NECTIN4: variants seen among roughly 807,000 people sequenced by gnomAD.
NECTIN4 encodes nectin cell adhesion molecule 4.
Under a neutral mutation model 51.7 loss-of-function variants are expected in NECTIN4, and 19 were observed. The observed-to-expected ratio is 0.37, with a 90% CI of 0.26 to 0.54. The LOEUF is 0.54. Ranked by LOEUF, NECTIN4 falls within the 20% of genes least tolerant of loss-of-function variation. The probability of loss-of-function intolerance (pLI) is 0.86; values close to 1 mark genes in which losing one functional copy is unlikely to be tolerated. For missense variants in NECTIN4, 619 were observed against 662.4 expected, an observed-to-expected ratio of 0.93 and a Z score of 0.72; for synonymous variants, 283 against 286.9, an observed-to-expected ratio of 0.99 and a Z score of 0.14.
intron 1 of NECTIN4, among the ~76,000 whole-genome samples, chr1:161,085,306 T>C (rs941938171): frequency 1.5e-4 from 23 of 152,114 alleles, no homozygotes; most frequent in Non-Finnish European, 2.1e-4. Flanking sequence ...AGCCCCACTC[T>C]GGCCCAGACA....
rs149456490 is a variant in NECTIN4 at position 161,074,338 on chromosome 1, C to T, written c.1036G>A (p.Val346Met). ...CCCACCACCACCACCGAGGCTGACA[C>T]TAGGTCCACCTGCTTCCCAGAGTCT... ...QEDSGKQVDL[V>M]SASVVVVGVI... The change falls in exon 6 of 9, where the codon GTG becomes ATG. Residue 346 changes from valine to methionine, a missense_variant. Coordinates refer to ENST00000368012, the MANE Select transcript of NECTIN4 (RefSeq NM_030916.3). 5.5e-4 allele frequency: 891 copies of T among 1,613,966 alleles called. No homozygotes were observed. The highest frequency in any genetic ancestry group is 7.1e-4 in the Non-Finnish European group (836 of 1,180,010).
At chr1:161,086,928 C>G (rs895051935) in intron 1 of NECTIN4, 6 of 153,490 alleles carry the variant, frequency 3.9e-5, no homozygotes, top group African/African-American at 1.4e-4. Context: ...CTTCCAACAC[C>G]CCAGCACCCC....
intron 4 of NECTIN4, among the ~76,000 whole-genome samples, chr1:161,075,367 G>A (rs1653368821): frequency 6.6e-6 from 1 of 152,246 alleles, no homozygotes; most frequent in African/African-American, 2.4e-5. Context: ...TTATAGGAGT[G>A]TTGGCTTAAC....
chr1:161,088,919 T>C (rs1030923528), intron 1 of NECTIN4, among the ~76,000 whole-genome samples: 6 of 151,528 alleles, frequency 4.0e-5, no homozygotes, highest in Middle Eastern at 3.4e-3. Context: ...CTACACTGGG[T>C]CACCACGTCT....
chr1:161,079,798 C>T lies in NECTIN4; in HGVS notation c.231G>A (p.Gln77=). ...WARVDAGEGA[Q]ELALLHSKYG... is the part of the protein sequence containing the mutation. ...ATTTGGAGTGCAGTAGCGCTAGTTC[C>T]TGGGCGCCTTCGCCCGCGTCCACCC... Residue 77 remains glutamine, a synonymous_variant, in exon 2 of 9, where the codon CAG becomes CAA. Transcript: ENST00000368012. 1 of 1,613,462 alleles carries T rather than the reference C, an allele frequency of 6.2e-7. No individual in the cohort carries two copies. The highest frequency in any genetic ancestry group is 8.5e-7 in the Non-Finnish European group (1 of 1,179,990).
chr1:161,074,606 C>T lies in NECTIN4; in HGVS notation c.1000+5G>A, dbSNP rs1180386851. The T allele has an allele frequency of 6.2e-7, 1 of 1,614,246 alleles. No individual in the cohort carries two copies. Among genetic ancestry groups the T allele is most frequent in the East Asian group, 2.2e-5 (1 of 44,892 alleles). ...CTTACCAAGGACTTCTGCTCCAGTG[C>T]TTACCAAGAACATCCACAGTGACCT... On this transcript the variant is annotated splice_donor_5th_base_variant and intron_variant, in intron 5 of 8. Transcript: ENST00000368012.
chr1:161,072,169 T>C lies in NECTIN4; in HGVS notation c.*492A>G, dbSNP rs1013379901. ...CCGCACACCTGGGTCTGAGCCACAG[T>C]CTCCACCTCTCTCCTCCAACCTCTG... On this transcript the variant is annotated 3_prime_UTR_variant, in exon 9 of 9. Transcript: ENST00000368012. The C allele has an allele frequency of 3.4e-5, 8 of 234,116 alleles. No homozygotes were observed. Among genetic ancestry groups the C allele is most frequent in the African/African-American group, 1.6e-4 (7 of 44,496 alleles). The allele number at this position is 234,116 out of a possible 1,614,324, so 14.5% of individuals were successfully genotyped here. A position where few individuals can be genotyped will look rare whatever the true frequency, so the allele number is the denominator to read the frequency against.
intron 2 of NECTIN4, among the ~76,000 whole-genome samples, chr1:161,079,149 A>G (rs1253020376): frequency 6.6e-6 from 1 of 152,206 alleles, no homozygotes; most frequent in Non-Finnish European, 1.5e-5. Context: ...CATTGTAAAA[A>G]ATACCATGGA....
rs767680806 is a variant in NECTIN4, at chr1:161,089,171, A to G, written c.79+47T>C. The G allele has an allele frequency of 1.3e-5, 20 of 1,555,486 alleles. No individual in the cohort carries two copies. The highest frequency in any genetic ancestry group is 1.7e-5 in the Non-Finnish European group (19 of 1,127,978). On this transcript the variant is annotated intron_variant, in intron 1 of 8. Transcript: ENST00000368012. This position sits in a 1 kb window ranked among gnomAD's most constrained non-coding sequence, Gnocchi z 4.1. ...GTGTTTGTGCATGTGTGTCAGTGCC[A>G]GGTTGGGCTCAGAAGCAAGTGTCCT...
intron 1 of NECTIN4, among the ~76,000 whole-genome samples, chr1:161,088,653 A>T (rs779416100): frequency 6.6e-6 from 1 of 152,206 alleles, no homozygotes; most frequent in Non-Finnish European, 1.5e-5. Context: ...GGGCATTCTC[A>T]GCTCTCCTAT....
chr1:161,073,028 G>C (rs1034809225), intron 8 of NECTIN4, 143 bp from the exon 9 acceptor site: 3 of 946,448 alleles, frequency 3.2e-6, no homozygotes, highest in East Asian at 2.6e-5. Context: ...CCCAGAGATC[G>C]GGGACCAGGA....
intron 4 of NECTIN4, among the ~76,000 whole-genome samples, chr1:161,075,047 CAT>C (rs3841330): frequency 0.74 from 112,883 of 152,008 alleles, 41,976 homozygotes; most frequent in Middle Eastern, 0.79. Context: ...ACCAGGTACA[CAT>C]GTTATAAAGT....
chr1:161,079,766 A>C lies in NECTIN4; in HGVS notation c.263T>G (p.Leu88Arg), dbSNP rs1241847235. 1.2e-6 allele frequency: 2 copies of C among 1,612,502 alleles called. No homozygotes were observed. The highest frequency in any genetic ancestry group is 1.7e-6 in the Non-Finnish European group (2 of 1,179,948). The change falls in exon 2 of 9, where the codon CTT (leucine) becomes CGT (arginine). Residue 88 changes from leucine to arginine, a missense_variant. Leu to Arg is a moderately radical substitution (Grantham distance 102). Around this residue, in one of 3 missense-constraint regions of NECTIN4, gnomAD observed 218 missense variants for 186.3 expected, o/e 1.17. Transcript: ENST00000368012. ...ELALLHSKYG[L>R]HVSPAYEGRV... ...GCCCTCGTAAGCCGGGCTCACATGA[A>C]GCCCGTATTTGGAGTGCAGTAGCGC...
chr1:161,086,570 C>G (rs1285064056), intron 1 of NECTIN4, among the ~76,000 whole-genome samples: 2 of 152,212 alleles, frequency 1.3e-5, no homozygotes, highest in Non-Finnish European at 2.9e-5. Context: ...CGACAAAGAG[C>G]TAGGGACTAG....
At chr1:161,073,339 G>C in intron 7 of NECTIN4, 40 bp from the exon 8 acceptor site, 1 of 1,564,542 alleles carries the variant, frequency 6.4e-7, no homozygotes. Context: ...ACAGGGCTCA[G>C]CCTCCTCCCC....
chr1:161,077,622 G>A lies in NECTIN4; in HGVS notation c.561C>T (p.Val187=), dbSNP rs781559473. 1.9e-6 allele frequency: 3 copies of A among 1,613,722 alleles called. No homozygotes were observed. The highest frequency in any genetic ancestry group is 2.2e-5 in the South Asian group (2 of 91,086). ...PAPSVTWDTE[V]KGTTSSRSFK... is the part of the protein sequence containing the mutation. The stretch of plus-strand genomic sequence containing the variant: ...AGGAACGGCTGGACGTTGTGCCTTT[G>A]ACCTCCGTGTCCCAGGTCACGCTGG... The change falls in exon 3 of 9, where the codon GTC becomes GTT. Residue 187 remains valine, a synonymous_variant. Coordinates refer to ENST00000368012, the MANE Select transcript of NECTIN4 (RefSeq NM_030916.3).
In NECTIN4 at chr1:161,079,911, C is replaced by A; in HGVS notation, c.118G>T (p.Val40Leu). The A allele has an allele frequency of 6.2e-7, 1 of 1,612,478 alleles. No homozygotes were observed. Among genetic ancestry groups the A allele is most frequent in the South Asian group, 1.1e-5 (1 of 91,028 alleles). Residue 40 changes from valine to leucine, a missense_variant, in exon 2 of 9, where the codon GTA (valine) becomes TTA (leucine). Around this residue, in one of 3 missense-constraint regions of NECTIN4, gnomAD observed 218 missense variants for 186.3 expected, o/e 1.17. Coordinates refer to ENST00000368012, the MANE Select transcript of NECTIN4 (RefSeq NM_030916.3). ...GCGTCCTGGCCCAGCACCACAGTTA[C>A]CACGTCTGAGGTCTCCAGCTCACCC... Reference protein sequence around the residue: ...PAGELETSDVVTVVLGQDAKL... With the variant: ...PAGELETSDVLTVVLGQDAKL...
rs1283713497 is a variant in NECTIN4 at position 161,079,629 on chromosome 1, C to T, written c.400G>A (p.Ala134Thr). Residue 134 changes from alanine (A) to threonine (T), a missense_variant, in exon 2 of 9, where the codon GCC (alanine) becomes ACC (threonine). Coordinates refer to ENST00000368012, the MANE Select transcript of NECTIN4 (RefSeq NM_030916.3). ...EYECRVSTFP[A>T]GSFQARLRLR... ...CGCAGCCGCGCCTGGAAGCTGCCGG[C>T]GGGGAAGGTGCTGACCCGGCACTCG... 2 of 1,604,982 alleles carry T rather than the reference C, an allele frequency of 1.2e-6. No individual in the cohort carries two copies. The highest frequency in any genetic ancestry group is 1.3e-5 in the African/African-American group (1 of 74,924).
intron 3 of NECTIN4, among the ~76,000 whole-genome samples, chr1:161,076,975 C>A (rs1035144367): frequency 1.6e-5 from 2 of 127,940 alleles, no homozygotes; most frequent in African/African-American, 6.3e-5. Flanking sequence ...GCCTTCCATG[C>A]GCTAAGCACT....
Sources: gnomAD v4.1 joint callset for allele counts (sites outside exome capture counted in the v4.1 genomes callset) on GRCh38, gnomAD v4.1.1 for gene constraint, gnomAD v4.1.1 regional missense constraint, Gnocchi (gnomAD v3.1) non-coding constraint, MANE v1.5 for transcripts, NCBI Gene and HGNC (gene_info 2026-07-23, HGNC 2026-07-21) for gene names.